Variants in LRRC75B observed in about 807,000 individuals in gnomAD.
The protein encoded by LRRC75B is leucine rich repeat containing 75B.
LRRC75B carries 20 observed loss-of-function variants against 16.5 expected under a neutral mutation model. The ratio of observed to expected loss-of-function variants is 1.21; its 90% CI spans 0.85 to 1.76. LRRC75B has a LOEUF of 1.76. LRRC75B is among the 40% of genes most tolerant of loss of function. LRRC75B has a pLI of 0.00. For synonymous variants in LRRC75B, 199 were observed against 198.1 expected, an observed-to-expected ratio of 1.00 and a Z score of -0.04; for missense variants, 406 against 417.0, an observed-to-expected ratio of 0.97 and a Z score of 0.23.
At chr22:24,590,093 C>T in intron 1 of LRRC75B, 144 bp from the exon 2 acceptor site, 1 of 959,178 alleles carries the variant, frequency 1.0e-6, no homozygotes, top group Non-Finnish European at 1.5e-6. Context: ...CACAGGCGGC[C>T]ATGGGCCAAC....
chr22:24,592,619 C>T (rs780014398), intron 1 of LRRC75B: 20 of 556,100 alleles, frequency 3.6e-5, no homozygotes, highest in Non-Finnish European at 6.1e-5. Context: ...GCAGCCCCCT[C>T]CTCCACACGG....
In LRRC75B at chr22:24,592,863, C is replaced by T. The variant is rs1416831225; in HGVS notation, c.177G>A (p.Gln59=). 9 of 1,282,594 alleles carry T rather than the reference C, an allele frequency of 7.0e-6. No individual in the cohort carries two copies. Among genetic ancestry groups the T allele is most frequent in the Non-Finnish European group, 6.9e-6 (7 of 1,014,738 alleles). The allele number at this position is 1,282,594 out of a possible 1,614,324, so 79.5% of individuals were successfully genotyped here. ...RARQLLRLLR[Q]DLGLERTLLP... ...AGGGGCGGACGGCTCCTTCTCTCGC[C>T]TGGCGCAGGAGGCGCAGCAGCTGCC... Residue 59 remains glutamine, a splice_region_variant and synonymous_variant, in exon 1 of 4, where the codon CAG becomes CAA. Transcript: ENST00000318753.
chr22:24,589,734 C>A, intron 2 of LRRC75B, 87 bp downstream of exon 2: 1 of 1,438,620 alleles, frequency 7.0e-7, no homozygotes, highest in Non-Finnish European at 9.2e-7. Context: ...GCAGAAGGAC[C>A]TAGCCTCCCA....
At chr22:24,592,084 A>G (rs2045585274) in intron 1 of LRRC75B, 1 of 344,594 alleles carries the variant, frequency 2.9e-6, no homozygotes, top group Non-Finnish European at 5.8e-6. Context: ...TCCTGCTCAC[A>G]GGATGGGGCA....
At chr22:24,590,194 G>A (rs902901195) in intron 1 of LRRC75B, among the ~76,000 whole-genome samples, 12 of 152,090 alleles carry the variant, frequency 7.9e-5, no homozygotes, top group Non-Finnish European at 1.8e-4. Flanking sequence ...GTGCAGTGGC[G>A]TGATCTCAGT....
At chr22:24,589,019 A>G in intron 2 of LRRC75B, 1 of 1,022,050 alleles carries the variant, frequency 9.8e-7, no homozygotes, top group Non-Finnish European at 1.2e-6. Flanking sequence ...CAGCACACAC[A>G]GCAGCTGCAA....
At position 24,588,271 on chromosome 22, in the gene LRRC75B, G is replaced by T. The variant is rs561714728; in HGVS notation, c.365C>A (p.Thr122Asn). The part of the protein sequence containing the change: ...KICRQLIYHL[T>N]PHSKQQQGSS... ...CCCTTGCTGCTGCTTCGAGTGAGGG[G>T]TGAGGTGGTAGATGAGCTGTCGGCA... The change falls in exon 3 of 4, where the codon ACC (threonine) becomes AAC (asparagine). Residue 122 changes from threonine to asparagine, a missense_variant. By Grantham distance (65) the Thr-to-Asn change is moderately conservative. Transcript: ENST00000318753. 1 of 1,613,670 alleles carries T rather than the reference G, an allele frequency of 6.2e-7. No individual in the cohort carries two copies. The highest frequency in any genetic ancestry group is 8.5e-7 in the Non-Finnish European group (1 of 1,179,920).
intron 2 of LRRC75B, chr22:24,589,358 C>T: frequency 8.8e-7 from 1 of 1,132,046 alleles, no homozygotes; most frequent in South Asian, 1.9e-5. Flanking sequence ...AAGCAGTGAG[C>T]ACCCGTCCGC....
rs561714728 is a variant in LRRC75B, at chr22:24,588,271, G to A, written c.365C>T (p.Thr122Ile). 2 of 1,613,670 alleles carry A rather than the reference G, an allele frequency of 1.2e-6. No individual in the cohort carries two copies. Among genetic ancestry groups the A allele is most frequent in the Admixed American group, 3.3e-5 (2 of 60,010 alleles). The change falls in exon 3 of 4, where the codon ACC (threonine) becomes ATC (isoleucine). Residue 122 changes from threonine to isoleucine, a missense_variant. Thr to Ile is a moderately conservative substitution (Grantham distance 89). Coordinates refer to ENST00000318753, the MANE Select transcript of LRRC75B (RefSeq NM_207644.3). ...CCCTTGCTGCTGCTTCGAGTGAGGGGTGAGGTGGTAGATGAGCTGTCGGCA... is the reference window on the plus strand; with the variant it reads ...CCCTTGCTGCTGCTTCGAGTGAGGGATGAGGTGGTAGATGAGCTGTCGGCA... Reference protein sequence around the residue: ...KICRQLIYHLTPHSKQQQGSS... With the variant: ...KICRQLIYHLIPHSKQQQGSS...
chr22:24,588,374 C>T, intron 2 of LRRC75B, 45 bp from the exon 3 acceptor site: 1 of 1,470,976 alleles, frequency 6.8e-7, no homozygotes, highest in Non-Finnish European at 9.5e-7. Flanking sequence ...GCCCCTCCTG[C>T]CCACCTCAGG....
At chr22:24,591,535 G>A (rs1396498668) in intron 1 of LRRC75B, among the ~76,000 whole-genome samples, 4 of 152,188 alleles carry the variant, frequency 2.6e-5, no homozygotes, top group African/African-American at 9.7e-5. Flanking sequence ...GGAGGCCGTG[G>A]GTCACAGCTG....
intron 1 of LRRC75B, 25 bp downstream of exon 1, chr22:24,592,838 A>G: frequency 1.6e-6 from 2 of 1,273,712 alleles, no homozygotes; most frequent in South Asian, 2.3e-5. Flanking sequence ...CCGCCAGCCC[A>G]GGGGCGGACG....
At chr22:24,586,463 A>G (rs1046677658) in intron 3 of LRRC75B, 52 bp from the exon 4 acceptor site, 2 of 1,557,894 alleles carry the variant, frequency 1.3e-6, no homozygotes, top group Middle Eastern at 3.5e-4. Context: ...CAGTCCCCCC[A>G]CTGACCACAG....
chr22:24,592,572 C>A (rs920931392), intron 1 of LRRC75B: 4 of 464,830 alleles, frequency 8.6e-6, no homozygotes, highest in African/African-American at 6.0e-5. Context: ...TCAACACACA[C>A]AACCCCTCTC....
rs1277514494 is a variant in LRRC75B, at chr22:24,586,295, G to A, written c.539C>T (p.Ala180Val). 3.7e-6 allele frequency: 6 copies of A among 1,614,004 alleles called. No individual in the cohort carries two copies. The highest frequency in any genetic ancestry group is 5.1e-6 in the Non-Finnish European group (6 of 1,180,050). Residue 180 changes from alanine to valine, a missense_variant, in exon 4 of 4, where the codon GCT (alanine) becomes GTT (valine). Coordinates refer to ENST00000318753, the MANE Select transcript of LRRC75B (RefSeq NM_207644.3). The part of the protein sequence containing the change: ...HITRYLSSHG[A>V]VLAVLDLSFT... ...GCTCAGGTCCAGCACCGCCAGCACA[G>A]CACCATGGCTGCTCAGGTAGCGTGT... is the stretch of plus-strand genomic sequence containing the variant.
intron 1 of LRRC75B, 138 bp downstream of exon 1, chr22:24,592,725 T>C: frequency 7.7e-7 from 1 of 1,298,890 alleles, no homozygotes; most frequent in Non-Finnish European, 9.9e-7. Context: ...GGAACCCGCC[T>C]GCGCGCGCCA....
At chr22:24,591,236 C>T (rs1010353902) in intron 1 of LRRC75B, among the ~76,000 whole-genome samples, 12 of 152,258 alleles carry the variant, frequency 7.9e-5, no homozygotes, top group Non-Finnish European at 1.2e-4. Flanking sequence ...TGTGCCACCA[C>T]GCCCAGCTAA....
intron 2 of LRRC75B, chr22:24,589,559 C>T: frequency 4.2e-6 from 2 of 474,922 alleles, no homozygotes; most frequent in Non-Finnish European, 6.7e-6. Flanking sequence ...GGCCCCCAGG[C>T]CTGGTGCACA....
chr22:24,593,030 G>T lies in LRRC75B; in HGVS notation c.10C>A (p.Arg4=), dbSNP rs1203999119. The part of the protein sequence containing the change: MGA[R]LGRRAGPEAG... ...TCGGGCCCGGCCCGCCGGCCCAGCCGCGCCCCCATGGCCGCCGCGCGATGG... is the reference window on the plus strand; with the variant it reads ...TCGGGCCCGGCCCGCCGGCCCAGCCTCGCCCCCATGGCCGCCGCGCGATGG... Residue 4 remains arginine (R), a synonymous_variant, in exon 1 of 4, where the codon CGG becomes AGG. Coordinates refer to ENST00000318753, the MANE Select transcript of LRRC75B (RefSeq NM_207644.3). 2 of 1,055,668 alleles carry T rather than the reference G, an allele frequency of 1.9e-6. No individual in the cohort carries two copies. Among genetic ancestry groups the T allele is most frequent in the Non-Finnish European group, 1.1e-6 (1 of 876,938 alleles). The allele number at this position is 1,055,668 out of a possible 1,614,324, so 65.4% of individuals were successfully genotyped here. A position where few individuals can be genotyped will look rare whatever the true frequency, so the allele number is the denominator to read the frequency against.
Sources: gnomAD v4.1 joint callset for allele counts (sites outside exome capture counted in the v4.1 genomes callset) on GRCh38, gnomAD v4.1.1 for gene constraint, MANE v1.5 for transcripts, NCBI Gene and HGNC (gene_info 2026-07-23, HGNC 2026-07-21) for gene names.